SNX1: variants seen among roughly 807,000 people sequenced by gnomAD.
SNX1 encodes sorting nexin 1.
In SNX1, 36 loss-of-function variants were observed where a neutral mutation model predicts 71.8. The observed-to-expected ratio is 0.50, with a 90% CI of 0.38 to 0.66. The LOEUF (loss-of-function observed/expected upper bound fraction) is 0.66. Among genes scored for constraint, SNX1 ranks in the 30% least tolerant of loss-of-function variants. SNX1 has a pLI of 0.00. For missense variants in SNX1, 612 were observed against 646.7 expected (o/e 0.95, Z 0.58); for synonymous variants, 254 against 240.7 (o/e 1.06, Z -0.51).
chr15:64,125,454 G>C (rs1001122677), intron 5 of SNX1, among the ~76,000 whole-genome samples: 2 of 133,176 alleles, frequency 1.5e-5, no homozygotes, highest in Non-Finnish European at 3.1e-5. Context: ...GACAGAGTGA[G>C]ACTCCATCTC....
chr15:64,138,173 C>A lies in SNX1; in HGVS notation c.*555C>A, dbSNP rs939836094. On this transcript the variant is annotated 3_prime_UTR_variant, in exon 15 of 15. Coordinates refer to ENST00000559844, the MANE Select transcript of SNX1 (RefSeq NM_003099.5). ...TCTGGAAATGGGGTTTCTTTCTCTCCGCCTACCTCAGCTACCTGTTCTGAG... is the reference window on the plus strand; with the variant it reads ...TCTGGAAATGGGGTTTCTTTCTCTCAGCCTACCTCAGCTACCTGTTCTGAG... The A allele has an allele frequency of 2.0e-6, 3 of 1,535,384 alleles. No individual in the cohort carries two copies. Among genetic ancestry groups the A allele is most frequent in the Non-Finnish European group, 2.6e-6 (3 of 1,146,784 alleles).
rs1470243626 is a variant in SNX1, at chr15:64,109,748, T to G, written c.160-2825T>G. ...GTCTCAAACTCCTGACCTCAGGTTA[T>G]GTAGGCACCTCTGCCTCCCAAAGGT... On this transcript the variant is annotated intron_variant, in intron 1 of 14. Coordinates refer to ENST00000559844, the MANE Select transcript of SNX1 (RefSeq NM_003099.5). Among the ~76,000 whole-genome samples, 3 of 152,268 alleles carry G rather than the reference T, an allele frequency of 2.0e-5. No homozygotes were observed. In the East Asian group the frequency reaches 5.8e-4, roughly 29 times the overall value.
At chr15:64,120,536 G>T (rs532187416) in intron 4 of SNX1, among the ~76,000 whole-genome samples, 2 of 152,116 alleles carry the variant, frequency 1.3e-5, no homozygotes, top group East Asian at 1.9e-4. Flanking sequence ...TTTAGGCCAG[G>T]TGCAGTGGCT....
chr15:64,138,077 C>G lies in SNX1; in HGVS notation c.*459C>G, dbSNP rs553897119. 877 of 1,535,668 alleles carry G rather than the reference C, an allele frequency of 5.7e-4. 1 individual carries two copies. Among genetic ancestry groups the G allele is most frequent in the Non-Finnish European group, 7.3e-4 (840 of 1,146,848 alleles). On this transcript the variant is annotated 3_prime_UTR_variant, in exon 15 of 15. Transcript: ENST00000559844. ...AGTTGGGAATCAGGTCTGGAATACT[C>G]CTAACCAAGAAGTTGCCCAGGTATA...
chr15:64,122,412 C>G (rs947920845), intron 4 of SNX1, among the ~76,000 whole-genome samples: 2 of 151,892 alleles, frequency 1.3e-5, no homozygotes, highest in African/African-American at 2.4e-5. Flanking sequence ...TTATATACAC[C>G]CTTTTGGTAG....
chr15:64,110,482 G>C (rs764586340), intron 1 of SNX1, among the ~76,000 whole-genome samples: 3 of 152,054 alleles, frequency 2.0e-5, no homozygotes, highest in Non-Finnish European at 2.9e-5. Flanking sequence ...CTGCAACCTC[G>C]ACCTCCTGGG....
Position 64,134,441 on chromosome 15 carries a change from C to G in SNX1, c.1222-223C>G. 3.6e-6 allele frequency: 2 copies of G among 550,018 alleles called. No homozygotes were observed. The highest frequency in any genetic ancestry group is 4.6e-5 in the South Asian group (2 of 43,700). 34.1% of individuals were successfully genotyped at this position (550,018 alleles called of 1,614,324 possible). A position where few individuals can be genotyped will look rare whatever the true frequency, so the allele number is the denominator to read the frequency against. ...CCCTGCCATCCAGCCCTGGGAGTAG[C>G]ATGAAGCAGCATGGCACTGGCCTTC... On this transcript the variant is annotated intron_variant, in intron 11 of 14. Coordinates refer to ENST00000559844, the MANE Select transcript of SNX1 (RefSeq NM_003099.5). This position sits in a 1 kb window ranked among gnomAD's most constrained non-coding sequence, Gnocchi z 4.1.
intron 13 of SNX1, among the ~76,000 whole-genome samples, 170 bp downstream of exon 13, chr15:64,136,580 G>A (rs764282935): frequency 1.3e-5 from 2 of 152,082 alleles, no homozygotes; most frequent in Non-Finnish European, 2.9e-5. Context: ...AGGAACAGTG[G>A]CAATCTTACA....
chr15:64,133,986 AG>A (rs2081332620), intron 11 of SNX1, among the ~76,000 whole-genome samples: 1 of 152,202 alleles, frequency 6.6e-6, no homozygotes. Context: ...GGTAGCCTAG[AG>A]CAGGTGAGTG....
In SNX1 at chr15:64,141,235, T is replaced by C. The variant is rs1214420388; in HGVS notation, c.*3617T>C. ...TTTCAGGTTGCTTTGTTAAGTTCCA[T>C]CTAATGATCATTCTGACGTAAGTCT... On this transcript the variant is annotated 3_prime_UTR_variant, in exon 15 of 15. Coordinates refer to ENST00000559844, the MANE Select transcript of SNX1 (RefSeq NM_003099.5). The surrounding 1 kb of genome is among the most constrained non-coding windows in gnomAD (Gnocchi z 5.1). 1 of 152,266 alleles carries C rather than the reference T, an allele frequency of 6.6e-6. No individual in the cohort carries two copies. The highest frequency in any genetic ancestry group is 1.5e-5 in the Non-Finnish European group (1 of 68,052). The allele number at this position is 152,266 out of a possible 1,614,324, so 9.4% of individuals were successfully genotyped here.
rs766376885 is a variant in SNX1, at chr15:64,134,705, G to T, written c.1263G>T (p.Gln421His). The T allele has an allele frequency of 6.2e-7, 1 of 1,613,456 alleles. No homozygotes were observed. Among genetic ancestry groups the T allele is most frequent in the South Asian group, 1.1e-5 (1 of 91,058 alleles). ...DQRMKTWQRW[Q>H]DAQATLQKKR... Reference sequence around the variant, plus strand: ...GCATGAAGACATGGCAGCGCTGGCAGGATGCCCAAGCCACACTGCAGAAGA... The same window carrying T: ...GCATGAAGACATGGCAGCGCTGGCATGATGCCCAAGCCACACTGCAGAAGA... The change falls in exon 12 of 15, where the codon CAG becomes CAT. Residue 421 changes from glutamine (Q) to histidine (H), a missense_variant. Around this residue, in one of 2 missense-constraint regions of SNX1, gnomAD observed 296 missense variants for 361.9 expected, o/e 0.82. Transcript: ENST00000559844. The surrounding 1 kb of genome is among the most constrained non-coding windows in gnomAD (Gnocchi z 4.1).
Position 64,105,877 on chromosome 15 carries a change from C to G in SNX1, c.160-6696C>G, listed in dbSNP as rs960392164. On this transcript the variant is annotated intron_variant, in intron 1 of 14. Coordinates refer to ENST00000559844, the MANE Select transcript of SNX1 (RefSeq NM_003099.5). ...TTCCATTTTCATTAGTCCCTCTACT[C>G]TGTATCTCAGAAGTTCTTTACCTTT... Among the ~76,000 whole-genome samples, 5 of 152,214 alleles carry G rather than the reference C, an allele frequency of 3.3e-5. 1 individual carries two copies. Among genetic ancestry groups the G allele is most frequent in the African/African-American group, 4.8e-5 (2 of 41,458 alleles).
Position 64,134,914 on chromosome 15 carries a change from T to C in SNX1, c.1365+107T>C, listed in dbSNP as rs1770914029. ...AACCCCACAGGGGGAAGAGCGCTGATTGAGTCTAAAGGGCCGTGGCTGCTG... is the reference window on the plus strand; with the variant it reads ...AACCCCACAGGGGGAAGAGCGCTGACTGAGTCTAAAGGGCCGTGGCTGCTG... On this transcript the variant is annotated intron_variant, in intron 12 of 14. Transcript: ENST00000559844. The surrounding 1 kb of genome is among the most constrained non-coding windows in gnomAD (Gnocchi z 4.1). 6.9e-7 allele frequency: 1 copy of C among 1,444,842 alleles called. No individual in the cohort carries two copies. Among genetic ancestry groups the C allele is most frequent in the African/African-American group, 1.4e-5 (1 of 70,790 alleles). The allele number at this position is 1,444,842 out of a possible 1,614,324, so 89.5% of individuals were successfully genotyped here.
intron 7 of SNX1, 54 bp downstream of exon 7, chr15:64,127,306 A>C: frequency 7.2e-7 from 1 of 1,390,304 alleles, no homozygotes; most frequent in South Asian, 1.2e-5. Flanking sequence ...TGAAAAGCTG[A>C]AAAGTGAGTC....
In SNX1 at chr15:64,138,862, A is replaced by T. The variant is rs567571028; in HGVS notation, c.*1244A>T. On this transcript the variant is annotated 3_prime_UTR_variant, in exon 15 of 15. Transcript: ENST00000559844. Reference sequence around the variant, plus strand: ...CCACTATGGGAGCCTTGCCACCTCCAGCCCCTCCATCCCAAAGACGCTCCT... The same window carrying T: ...CCACTATGGGAGCCTTGCCACCTCCTGCCCCTCCATCCCAAAGACGCTCCT... 31 of 152,488 alleles carry T rather than the reference A, an allele frequency of 2.0e-4. No homozygotes were observed. Among genetic ancestry groups the T allele is most frequent in the African/African-American group, 7.5e-4 (31 of 41,546 alleles). 9.4% of individuals were successfully genotyped at this position (152,488 alleles called of 1,614,324 possible). A position where few individuals can be genotyped will look rare whatever the true frequency, so the allele number is the denominator to read the frequency against.
At chr15:64,111,600 T>A (rs1336744798) in intron 1 of SNX1, 1 of 152,210 alleles carries the variant, frequency 6.6e-6, no homozygotes, top group Non-Finnish European at 1.5e-5. Flanking sequence ...CTGTCCCCAA[T>A]ATTTAGATGA....
At chr15:64,126,271 T>G (rs758824269) in intron 6 of SNX1, 51 bp downstream of exon 6, 2 of 1,586,368 alleles carry the variant, frequency 1.3e-6, no homozygotes, top group Non-Finnish European at 1.7e-6. Context: ...TTGCATTCTC[T>G]CCAAAATTCA....
At chr15:64,109,069 G>A (rs2081052039) in intron 1 of SNX1, among the ~76,000 whole-genome samples, 1 of 151,048 alleles carries the variant, frequency 6.6e-6, no homozygotes, top group Non-Finnish European at 1.5e-5. Context: ...ATACTTCTGT[G>A]TAAGAAAAAT....
At chr15:64,104,100 G>A (rs1290303181) in intron 1 of SNX1, among the ~76,000 whole-genome samples, 1 of 152,112 alleles carries the variant, frequency 6.6e-6, no homozygotes, top group Non-Finnish European at 1.5e-5. Context: ...ACTCATTTTA[G>A]TGCTCAGCTC....
Sources: gnomAD v4.1 joint callset for allele counts (sites outside exome capture counted in the v4.1 genomes callset) on GRCh38, gnomAD v4.1.1 for gene constraint, gnomAD v4.1.1 regional missense constraint, Gnocchi (gnomAD v3.1) non-coding constraint, MANE v1.5 for transcripts, NCBI Gene and HGNC (gene_info 2026-07-23, HGNC 2026-07-21) for gene names.